USH1C: variants seen among roughly 807,000 people sequenced by gnomAD.
The protein encoded by USH1C is USH1 protein network component harmonin.
A neutral mutation model predicts 119.3 loss-of-function variants in USH1C; 90 were observed. That is an observed-to-expected ratio of 0.75 (90% CI 0.64 to 0.90). USH1C has a LOEUF of 0.90. Among genes scored for constraint, USH1C ranks in the 40% least tolerant of loss-of-function variants. The pLI, the probability that USH1C is intolerant of heterozygous loss-of-function variation, is 0.00. For missense variants in USH1C, 1,165 were observed against 1,167.7 expected, an observed-to-expected ratio of 1.00 and a Z score of 0.03; for synonymous variants, 465 against 443.3, an observed-to-expected ratio of 1.05 and a Z score of -0.62.
chr11:17,526,746 C>A lies in USH1C; in HGVS notation c.579+7G>T, dbSNP rs1328948188. Reference sequence around the variant, plus strand: ...CCAAACCCCATCACAGGAGGTCTGGCCCTTACCCCAGATTCCGACACAAAC... The same window carrying A: ...CCAAACCCCATCACAGGAGGTCTGGACCTTACCCCAGATTCCGACACAAAC... On this transcript the variant is annotated splice_region_variant and intron_variant, in intron 7 of 26. Transcript: ENST00000005226. 1.9e-6 allele frequency: 3 copies of A among 1,613,898 alleles called. No homozygotes were observed. In the East Asian group the frequency reaches 6.7e-5, roughly 36 times the overall value.
At chr11:17,526,699 C>A in intron 7 of USH1C, 54 bp downstream of exon 7, 2 of 1,580,410 alleles carry the variant, frequency 1.3e-6, no homozygotes, top group Non-Finnish European at 1.7e-6. Flanking sequence ...GACCGGCCAC[C>A]CCTCCTTGAA....
chr11:17,519,969 G>T (rs1850340533), intron 14 of USH1C, among the ~76,000 whole-genome samples: 2 of 152,190 alleles, frequency 1.3e-5, no homozygotes, highest in African/African-American at 4.8e-5. Context: ...TGGGGAACCT[G>T]GGCTCTTGAG....
Position 17,531,812 on chromosome 11 carries a change from A to T in USH1C, c.105-270T>A, listed in dbSNP as rs941479332. On this transcript the variant is annotated intron_variant, in intron 2 of 26. Transcript: ENST00000005226. This position sits in a 1 kb window ranked among gnomAD's most constrained non-coding sequence, Gnocchi z 4.2. The stretch of plus-strand genomic sequence containing the variant: ...CAGGATTTCAAACTCAGCGCTGCCT[A>T]TCTCGGCTGTTGGGATCTTTCCAGA... Among the ~76,000 whole-genome samples, 1 of 152,182 alleles carries T rather than the reference A, an allele frequency of 6.6e-6. No homozygotes were observed. Among genetic ancestry groups the T allele is most frequent in the African/African-American group, 2.4e-5 (1 of 41,450 alleles).
chr11:17,538,360 T>C (rs1851312854), intron 1 of USH1C, among the ~76,000 whole-genome samples: 1 of 152,146 alleles, frequency 6.6e-6, no homozygotes, highest in Non-Finnish European at 1.5e-5. Flanking sequence ...TTTGGCCATG[T>C]GGTACCCTCC....
At chr11:17,523,615 G>A in intron 9 of USH1C, 137 bp from the exon 10 acceptor site, 1 of 826,424 alleles carries the variant, frequency 1.2e-6, no homozygotes, top group Non-Finnish European at 2.1e-6. Context: ...CCTGATGAAT[G>A]GAGCAGTTGG....
chr11:17,536,737 C>T (rs1246967591), intron 1 of USH1C, among the ~76,000 whole-genome samples: 2 of 152,256 alleles, frequency 1.3e-5, no homozygotes, highest in South Asian at 2.1e-4. Flanking sequence ...TGCAGTGGAA[C>T]AGATCCTTCC....
chr11:17,506,455 C>T (rs1424809389), intron 18 of USH1C, among the ~76,000 whole-genome samples: 3 of 152,208 alleles, frequency 2.0e-5, no homozygotes, highest in Non-Finnish European at 4.4e-5. Flanking sequence ...CTCTAACCCA[C>T]TTGATCTTTT....
intron 18 of USH1C, among the ~76,000 whole-genome samples, chr11:17,507,566 C>T (rs1002381819): frequency 5.9e-5 from 9 of 152,244 alleles, no homozygotes; most frequent in African/African-American, 1.7e-4. Flanking sequence ...TGAACATCCA[C>T]GATGTGCCTG....
At position 17,523,210 on chromosome 11, in the gene USH1C, C is replaced by T. The variant is rs1345580236; in HGVS notation, c.876+1G>A. The stretch of plus-strand genomic sequence containing the variant: ...CTCCCACCAGCTCATTCTGGACTTA[C>T]AGCTGCAGCTACAATGGAGATGGTC... On this transcript the variant is annotated splice_donor_variant, in intron 11 of 26. Coordinates refer to ENST00000005226, the MANE Select transcript of USH1C (RefSeq NM_153676.4). LOFTEE classifies it high-confidence loss of function. 6.2e-7 allele frequency: 1 copy of T among 1,614,140 alleles called. No individual in the cohort carries two copies. The highest frequency in any genetic ancestry group is 1.7e-5 in the Admixed American group (1 of 60,026).
intron 18 of USH1C, among the ~76,000 whole-genome samples, chr11:17,507,886 A>G (rs938301270): frequency 1.3e-5 from 2 of 152,218 alleles, no homozygotes; most frequent in African/African-American, 4.8e-5. Context: ...AGGTGTCTTC[A>G]ATCTTCAGTT....
intron 23 of USH1C, among the ~76,000 whole-genome samples, chr11:17,500,200 A>T (rs1280523247): frequency 6.6e-6 from 1 of 152,154 alleles, no homozygotes; most frequent in African/African-American, 2.4e-5. Flanking sequence ...GAGAAGAGAG[A>T]CACAGGGTAT....
chr11:17,543,413 C>T (rs1420347128), intron 1 of USH1C, among the ~76,000 whole-genome samples: 1 of 107,572 alleles, frequency 9.3e-6, no homozygotes. Context: ...CCAGATACCA[C>T]CCACCCCCCC....
chr11:17,536,630 C>T (rs1393218259), intron 1 of USH1C, among the ~76,000 whole-genome samples: 3 of 152,180 alleles, frequency 2.0e-5, no homozygotes, highest in South Asian at 2.1e-4. Context: ...CTCAGCTCTT[C>T]GGCCTCATGT....
chr11:17,507,687 T>A (rs140772374), intron 18 of USH1C, among the ~76,000 whole-genome samples: 1 of 152,226 alleles, frequency 6.6e-6, no homozygotes, highest in Admixed American at 6.5e-5. Context: ...CAGGCTCAGA[T>A]AGATGAAGTA....
chr11:17,521,143 T>C, intron 13 of USH1C, 149 bp from the exon 14 acceptor site: 1 of 1,215,032 alleles, frequency 8.2e-7, no homozygotes, highest in Non-Finnish European at 1.2e-6. Flanking sequence ...GTATTCTAAA[T>C]TGAGTGTGAA....
At chr11:17,502,926 C>G (rs1849501707) in intron 20 of USH1C, among the ~76,000 whole-genome samples, 1 of 152,110 alleles carries the variant, frequency 6.6e-6, no homozygotes, top group Non-Finnish European at 1.5e-5. Context: ...GTGGAGCCAC[C>G]CACAGCATGC....
At chr11:17,534,216 G>T (rs1304357834) in intron 1 of USH1C, among the ~76,000 whole-genome samples, 2 of 152,218 alleles carry the variant, frequency 1.3e-5, no homozygotes, top group African/African-American at 4.8e-5. Flanking sequence ...TTCATAGAGA[G>T]GCTGCAGCTG....
chr11:17,500,146 A>G (rs1288575693), intron 23 of USH1C, among the ~76,000 whole-genome samples: 2 of 152,224 alleles, frequency 1.3e-5, no homozygotes, highest in African/African-American at 4.8e-5. Context: ...ACTCATCAGC[A>G]GAGGGTGTTT....
In USH1C at chr11:17,533,322, C is replaced by G; in HGVS notation, c.37G>C (p.Val13Leu). ...RKVAREFRHKVDFLIENDAEK... is the reference protein window; with the variant it reads ...RKVAREFRHKLDFLIENDAEK... ...GCATCATTTTCAATCAGAAAATCCA[C>G]CTGGAAAATCCAATAGCAGAATCAC... The change falls in exon 2 of 27, where the codon GTG (valine) becomes CTG (leucine). Residue 13 changes from valine (V) to leucine (L), a missense_variant and splice_region_variant. Physicochemically the swap from Val to Leu is conservative, Grantham distance 32. Transcript: ENST00000005226. 1 of 1,611,760 alleles carries G rather than the reference C, an allele frequency of 6.2e-7. No individual in the cohort carries two copies. Among genetic ancestry groups the G allele is most frequent in the Non-Finnish European group, 8.5e-7 (1 of 1,178,404 alleles).
Sources: allele counts gnomAD v4.1 joint callset (sites outside exome capture counted in the v4.1 genomes callset), GRCh38; gene constraint gnomAD v4.1.1; non-coding constraint Gnocchi (gnomAD v3.1); transcripts MANE v1.5; gene names NCBI Gene and HGNC (gene_info 2026-07-23, HGNC 2026-07-21).